RANBP17: variants seen among roughly 807,000 people sequenced by gnomAD.
RANBP17 encodes the protein ran-binding protein 17.
In RANBP17, 158 loss-of-function variants were observed where a neutral mutation model predicts 141.2. The ratio of observed to expected loss-of-function variants is 1.12; its 90% CI spans 0.98 to 1.28. The LOEUF is 1.28. RANBP17 is among the 50% of genes most tolerant of loss of function. The pLI is 0.00. For missense variants in RANBP17, 1,438 were observed against 1,290.7 expected, an observed-to-expected ratio of 1.11 and a Z score of -1.75; for synonymous variants, 430 against 450.0, an observed-to-expected ratio of 0.96 and a Z score of 0.56.
intron 7 of RANBP17, among the ~76,000 whole-genome samples, chr5:170,912,077 G>T (rs1771575359): frequency 6.6e-6 from 1 of 151,766 alleles, no homozygotes; most frequent in African/African-American, 2.4e-5. Flanking sequence ...CATATTCATG[G>T]ATACCAGATA....
At chr5:170,919,644 T>G in intron 11 of RANBP17, 31 bp downstream of exon 11, 1 of 1,510,528 alleles carries the variant, frequency 6.6e-7, no homozygotes, top group Non-Finnish European at 8.9e-7. Context: ...TTTGTTGTAT[T>G]TCCTTTTGAC....
intron 18 of RANBP17, among the ~76,000 whole-genome samples, chr5:171,189,995 CTT>C (rs1189377250): frequency 1.3e-5 from 2 of 151,510 alleles, no homozygotes; most frequent in African/African-American, 4.9e-5. Context: ...AAAAGACAAA[CTT>C]TTTATATCAC....
chr5:170,912,598 A>AG, intron 7 of RANBP17, among the ~76,000 whole-genome samples: 1 of 152,122 alleles, frequency 6.6e-6, no homozygotes, highest in Admixed American at 6.6e-5. Context: ...CCAAATTTAC[A>AG]GGACAGTTGT....
intron 16 of RANBP17, among the ~76,000 whole-genome samples, chr5:171,181,512 G>A (rs1199366504): frequency 6.6e-6 from 1 of 151,864 alleles, no homozygotes; most frequent in African/African-American, 2.4e-5. Context: ...GTGCAATAGG[G>A]AAAATCCATG....
At chr5:171,088,925 A>C (rs566596293) in intron 14 of RANBP17, among the ~76,000 whole-genome samples, 7 of 151,958 alleles carry the variant, frequency 4.6e-5, no homozygotes, top group Admixed American at 4.6e-4. Flanking sequence ...CCTGTAGCTC[A>C]GAGTAATTTG....
At chr5:171,265,971 T>C (rs1766646974) in intron 25 of RANBP17, 124 bp downstream of exon 25, 2 of 730,506 alleles carry the variant, frequency 2.7e-6, no homozygotes, top group African/African-American at 1.8e-5. Context: ...AATATATATA[T>C]ATATTGTCTG....
At chr5:171,166,486 A>T (rs746046989) in intron 14 of RANBP17, among the ~76,000 whole-genome samples, 6 of 151,638 alleles carry the variant, frequency 4.0e-5, no homozygotes, top group Non-Finnish European at 8.8e-5. Context: ...CTTAAAATAG[A>T]TACTGCAATA....
chr5:171,115,128 G>A (rs562447187), intron 14 of RANBP17, among the ~76,000 whole-genome samples: 3 of 152,072 alleles, frequency 2.0e-5, no homozygotes, highest in Admixed American at 6.6e-5. Flanking sequence ...AAAACTTTAT[G>A]TTAGGGGAGA....
At chr5:171,102,680 G>A (rs146898221) in intron 14 of RANBP17, among the ~76,000 whole-genome samples, 16 of 152,034 alleles carry the variant, frequency 1.1e-4, no homozygotes, top group Non-Finnish European at 2.2e-4. Context: ...AGGCATTCAG[G>A]TTTTTGGCAT....
At chr5:170,906,821 TC>T (rs969711174) in intron 5 of RANBP17, among the ~76,000 whole-genome samples, 2 of 151,940 alleles carry the variant, frequency 1.3e-5, no homozygotes, top group African/African-American at 2.4e-5. Context: ...TTCTTTGGGT[TC>T]TTTCTTACCT....
chr5:170,890,247 G>A (rs1357021747), intron 3 of RANBP17, among the ~76,000 whole-genome samples: 3 of 152,108 alleles, frequency 2.0e-5, no homozygotes, highest in Non-Finnish European at 4.4e-5. Flanking sequence ...AAATACACTG[G>A]ATTTTCTTTT....
Position 170,975,532 on chromosome 5 carries a change from A to C in RANBP17, c.1710+7155A>C, listed in dbSNP as rs371998201. On this transcript the variant is annotated intron_variant, in intron 14 of 27. Transcript: ENST00000523189. ...CAGAGTGAGACTCCTGTCTCAAAAA[A>C]TAAAAGAAAGAAATGTATTCAGCCA... is the stretch of plus-strand genomic sequence containing the variant. Among the ~76,000 whole-genome samples, 62 of 152,342 alleles carry C rather than the reference A, an allele frequency of 4.1e-4. 1 individual carries two copies. The South Asian group carries it at 0.012, about 31-fold the overall frequency.
At chr5:171,159,917 CAA>C (rs1175963382) in intron 14 of RANBP17, among the ~76,000 whole-genome samples, 4,237 of 40,860 alleles carry the variant, frequency 0.1, 16 homozygotes, top group East Asian at 0.19. Context: ...GACTCCATCT[CAA>C]AAAAAAAAAA....
intron 14 of RANBP17, among the ~76,000 whole-genome samples, chr5:171,162,701 A>G (rs1355230631): frequency 2.0e-5 from 3 of 152,078 alleles, no homozygotes; most frequent in Admixed American, 2.0e-4. Flanking sequence ...CAAGTTAGAA[A>G]TGGAAACCCC....
intron 16 of RANBP17, among the ~76,000 whole-genome samples, chr5:171,181,122 T>C (rs1760832798): frequency 6.6e-6 from 1 of 152,258 alleles, no homozygotes; most frequent in East Asian, 1.9e-4. Flanking sequence ...AATCATCAAA[T>C]CTGCATCTTT....
At chr5:170,983,096 A>T (rs1179792920) in intron 14 of RANBP17, 1 of 516,584 alleles carries the variant, frequency 1.9e-6, no homozygotes, top group Non-Finnish European at 3.8e-6. Flanking sequence ...CTACTCAATT[A>T]AAAAAGTAAA....
intron 14 of RANBP17, among the ~76,000 whole-genome samples, 192 bp from the exon 15 acceptor site, chr5:171,169,938 G>A (rs528535645): frequency 1.2e-3 from 178 of 151,964 alleles, no homozygotes; most frequent in African/African-American, 4.1e-3. Context: ...AAATAGGAGC[G>A]ATCTGGAGGA....
rs575932287 is a variant in RANBP17, at chr5:170,904,583, T to A, written c.490-5078T>A. ...TTTCATATTAGGAAATATTTTTGTC[T>A]AAAAGAGTGATTTCTGTTTAATCAC... is the stretch of plus-strand genomic sequence containing the variant. On this transcript the variant is annotated intron_variant, in intron 5 of 27. Transcript: ENST00000523189. The A allele has an allele frequency of 3.9e-5, 6 of 152,366 alleles. No homozygotes were observed. In the East Asian group the frequency reaches 1.2e-3, roughly 29 times the overall value. 9.4% of individuals were successfully genotyped at this position (152,366 alleles called of 1,614,324 possible).
At chr5:170,988,646 A>G (rs1581327900) in intron 14 of RANBP17, among the ~76,000 whole-genome samples, 4 of 151,690 alleles carry the variant, frequency 2.6e-5, no homozygotes, top group South Asian at 4.1e-4. Context: ...GGCCACAAAT[A>G]TGCATATTTT....
Sources: gnomAD v4.1 joint callset for allele counts (sites outside exome capture counted in the v4.1 genomes callset) on GRCh38, gnomAD v4.1.1 for gene constraint, MANE v1.5 for transcripts, NCBI Gene and HGNC (gene_info 2026-07-23, HGNC 2026-07-21) for gene names.